The following FRMD5 variants were observed in gnomAD, a reference collection of about 807,000 sequenced individuals.
FRMD5 encodes the protein FERM domain containing 5.
FRMD5 carries 20 observed loss-of-function variants against 69.0 expected under a neutral mutation model. The observed-to-expected ratio is 0.29, with a 90% CI of 0.20 to 0.42. The LOEUF (loss-of-function observed/expected upper bound fraction) is 0.42, where lower values mean the gene tolerates loss of function less well. FRMD5 is among the 10% of genes least tolerant of loss of function. The pLI is 1.00. For synonymous variants in FRMD5, 271 were observed against 260.1 expected (o/e 1.04, Z -0.40); for missense variants, 595 against 708.6 (o/e 0.84, Z 1.82).
intron 1 of FRMD5, among the ~76,000 whole-genome samples, chr15:44,042,023 A>G (rs1247980519): frequency 6.6e-6 from 1 of 152,200 alleles, no homozygotes; most frequent in East Asian, 1.9e-4. Context: ...AACAACATAG[A>G]TAGACTACTA....
chr15:44,052,377 C>T (rs1892705140), intron 1 of FRMD5, among the ~76,000 whole-genome samples: 1 of 152,136 alleles, frequency 6.6e-6, no homozygotes, highest in African/African-American at 2.4e-5. Flanking sequence ...TAAGATGCTT[C>T]AGGCCTATAT....
At chr15:43,902,912 CT>C (rs1176528488) in intron 6 of FRMD5, among the ~76,000 whole-genome samples, 1 of 152,180 alleles carries the variant, frequency 6.6e-6, no homozygotes, top group Non-Finnish European at 1.5e-5. Context: ...CCACCCAGCC[CT>C]CTTCCTTTGC....
intron 1 of FRMD5, among the ~76,000 whole-genome samples, chr15:44,157,479 T>C (rs2077546811): frequency 2.0e-5 from 3 of 152,210 alleles, no homozygotes. Context: ...CAGGTAGTAG[T>C]ATTCACATAA....
Position 43,870,941 on chromosome 15 carries a change from C to G in FRMD5, c.*2944G>C, listed in dbSNP as rs2140320520. 6.6e-6 allele frequency: 1 copy of G among 152,220 alleles called. No individual in the cohort carries two copies. The highest frequency in any genetic ancestry group is 2.4e-5 in the African/African-American group (1 of 41,530). 9.4% of individuals were successfully genotyped at this position (152,220 alleles called of 1,614,324 possible). A position where few individuals can be genotyped will look rare whatever the true frequency, so the allele number is the denominator to read the frequency against. ...TATTTTTAAATGTATCTAAGAAATTCACATTTGCAGGTAGTTTACCCTCTA... is the reference window on the plus strand; with the variant it reads ...TATTTTTAAATGTATCTAAGAAATTGACATTTGCAGGTAGTTTACCCTCTA... On this transcript the variant is annotated 3_prime_UTR_variant, in exon 14 of 14. Coordinates refer to ENST00000417257, the MANE Select transcript of FRMD5 (RefSeq NM_032892.5).
In FRMD5 at chr15:44,004,635, A is replaced by G. The variant is rs1890356534; in HGVS notation, c.103-80326T>C. Among the ~76,000 whole-genome samples, 3 of 152,216 alleles carry G rather than the reference A, an allele frequency of 2.0e-5. No homozygotes were observed. The South Asian group carries it at 6.2e-4, about 32-fold the overall frequency. On this transcript the variant is annotated intron_variant, in intron 1 of 13. Transcript: ENST00000417257. The stretch of plus-strand genomic sequence containing the variant: ...ATGTTTTATGTGTCCTCACAGCTCC[A>G]TCAACCAGCTGTTCCCCCAACTCAG...
intron 7 of FRMD5, among the ~76,000 whole-genome samples, chr15:43,897,123 C>A (rs190328535): frequency 2.2e-4 from 33 of 152,188 alleles, no homozygotes; most frequent in Admixed American, 2.1e-3. Flanking sequence ...AACACCCTAC[C>A]TGCCACACAG....
Position 43,888,162 on chromosome 15 carries a change from T to G in FRMD5, c.884+13A>C. 4 of 1,588,770 alleles carry G rather than the reference T, an allele frequency of 2.5e-6. No individual in the cohort carries two copies. Among genetic ancestry groups the G allele is most frequent in the Non-Finnish European group, 2.6e-6 (3 of 1,157,046 alleles). On this transcript the variant is annotated intron_variant, in intron 10 of 13. Transcript: ENST00000417257. ...TCTAAGAAAGACAGTCCCCATCACA[T>G]GTATCCACTCACTTGTAGAAGGCTT...
intron 1 of FRMD5, among the ~76,000 whole-genome samples, chr15:44,014,051 T>G (rs750650144): frequency 2.0e-5 from 3 of 151,886 alleles, no homozygotes; most frequent in Non-Finnish European, 2.9e-5. Context: ...AGAGATGGGG[T>G]TTCACCGTGT....
chr15:43,888,834 A>G lies in FRMD5; in HGVS notation c.767T>C (p.Phe256Ser). Reference protein sequence around the residue: ...VTKLKFEGKTFYLYVSQKEEK... With the variant: ...VTKLKFEGKTSYLYVSQKEEK... ...CTCTTTCTGACTTACGTATAAATAG[A>G]AAGTCTTTCCTTCAAATTTCAGCTT... The change falls in exon 9 of 14, where the codon TTC becomes TCC. Residue 256 changes from phenylalanine (F) to serine (S), a missense_variant. Phe to Ser is a radical substitution (Grantham distance 155). Around this residue, in one of 5 missense-constraint regions of FRMD5, gnomAD observed 176 missense variants for 266.3 expected, o/e 0.66. Coordinates refer to ENST00000417257, the MANE Select transcript of FRMD5 (RefSeq NM_032892.5). 1 of 1,614,002 alleles carries G rather than the reference A, an allele frequency of 6.2e-7. No homozygotes were observed. Among genetic ancestry groups the G allele is most frequent in the Non-Finnish European group, 8.5e-7 (1 of 1,179,858 alleles).
chr15:43,991,404 T>A (rs1889669075), intron 1 of FRMD5, among the ~76,000 whole-genome samples: 1 of 152,188 alleles, frequency 6.6e-6, no homozygotes, highest in Non-Finnish European at 1.5e-5. Context: ...CATCGGTGCA[T>A]CCATACACAT....
At chr15:44,006,456 T>C (rs1409557011) in intron 1 of FRMD5, among the ~76,000 whole-genome samples, 1 of 152,186 alleles carries the variant, frequency 6.6e-6, no homozygotes, top group Non-Finnish European at 1.5e-5. Context: ...CAAGGAGTAA[T>C]TTGCACTTTC....
intron 1 of FRMD5, among the ~76,000 whole-genome samples, chr15:44,178,332 A>G (rs549877947): frequency 6.6e-6 from 1 of 152,248 alleles, no homozygotes; most frequent in Admixed American, 6.5e-5. Context: ...CTCAAAAATA[A>G]ATAAAATAAA....
intron 1 of FRMD5, among the ~76,000 whole-genome samples, chr15:44,027,192 C>T (rs778052654): frequency 1.3e-5 from 2 of 152,120 alleles, no homozygotes; most frequent in Non-Finnish European, 2.9e-5. Flanking sequence ...ATAACAATGT[C>T]ACAATCTTAA....
chr15:44,091,362 GCACATGCA>G (rs1566941207), intron 1 of FRMD5, among the ~76,000 whole-genome samples: 1 of 151,638 alleles, frequency 6.6e-6, no homozygotes, highest in South Asian at 2.1e-4. Flanking sequence ...ACACACACAC[GCACATGCA>G]CACACACACA....
In FRMD5 at chr15:44,133,735, G is replaced by A. The variant is rs148318780; in HGVS notation, c.102+61218C>T. Among the ~76,000 whole-genome samples, 450 of 151,946 alleles carry A rather than the reference G, an allele frequency of 3.0e-3. 2 individuals carry two copies. Among genetic ancestry groups the A allele is most frequent in the African/African-American group, 0.011 (436 of 41,484 alleles). ...AGAAAGAATAGGTTGGTGTTGTAAC[G>A]ATAACAAAACTCTAGGAAAAAGAAG... On this transcript the variant is annotated intron_variant, in intron 1 of 13. Transcript: ENST00000417257.
chr15:43,973,588 G>A (rs1203349732), intron 1 of FRMD5, among the ~76,000 whole-genome samples: 3 of 151,474 alleles, frequency 2.0e-5, no homozygotes, highest in Admixed American at 6.6e-5. Flanking sequence ...GGCTGGTCTC[G>A]AACTCCTGAC....
intron 1 of FRMD5, among the ~76,000 whole-genome samples, chr15:44,096,462 G>A (rs908071439): frequency 6.7e-6 from 1 of 149,788 alleles, no homozygotes; most frequent in African/African-American, 2.5e-5. Flanking sequence ...GAGTACAATG[G>A]TGTGATCTTG....
At chr15:44,037,631 C>CT (rs1244770402) in intron 1 of FRMD5, among the ~76,000 whole-genome samples, 3,831 of 141,116 alleles carry the variant, frequency 0.027, 150 homozygotes, top group African/African-American at 0.088. Flanking sequence ...CCACACCCAG[C>CT]TTTTTTTTTT....
intron 1 of FRMD5, among the ~76,000 whole-genome samples, chr15:44,066,943 T>C (rs1893335638): frequency 6.6e-6 from 1 of 152,072 alleles, no homozygotes; most frequent in Non-Finnish European, 1.5e-5. Context: ...TGAGATTGTA[T>C]GAAGGCAGAA....
Sources: gnomAD v4.1 joint callset for allele counts (sites outside exome capture counted in the v4.1 genomes callset) on GRCh38, gnomAD v4.1.1 for gene constraint, gnomAD v4.1.1 regional missense constraint, MANE v1.5 for transcripts, NCBI Gene and HGNC (gene_info 2026-07-23, HGNC 2026-07-21) for gene names.